GRIP1: variants seen among roughly 807,000 people sequenced by gnomAD.
GRIP1 encodes glutamate receptor-interacting protein 1.
In GRIP1, 45 loss-of-function variants were observed where a neutral mutation model predicts 129.9. That is an observed-to-expected ratio of 0.35 (90% CI 0.27 to 0.44). GRIP1 has a LOEUF of 0.44. GRIP1 is among the 20% of genes least tolerant of loss of function. The pLI is 1.00. For synonymous variants in GRIP1, 530 were observed against 520.8 expected, an observed-to-expected ratio of 1.02 and a Z score of -0.24; for missense variants, 1,196 against 1,396.8, an observed-to-expected ratio of 0.86 and a Z score of 2.29.
chr12:66,405,393 G>A (rs753323432), intron 16 of GRIP1, among the ~76,000 whole-genome samples: 10 of 152,110 alleles, frequency 6.6e-5, no homozygotes, highest in Non-Finnish European at 8.8e-5. Flanking sequence ...TTTGGTGAAT[G>A]GACACTTTTC....
chr12:66,596,807 A>G, intron 2 of GRIP1, 40 bp downstream of exon 2: 1 of 1,195,326 alleles, frequency 8.4e-7, no homozygotes, highest in Non-Finnish European at 1.3e-6. Flanking sequence ...AACAGGATTC[A>G]AAAGTAAAAC....
At chr12:66,499,108 A>G (rs2060317916) in intron 7 of GRIP1, among the ~76,000 whole-genome samples, 1 of 152,198 alleles carries the variant, frequency 6.6e-6, no homozygotes. Flanking sequence ...CATGAAGCCT[A>G]TTATGCTCTG....
chr12:66,386,861 C>CA (rs2056380612), intron 19 of GRIP1, among the ~76,000 whole-genome samples: 1 of 152,128 alleles, frequency 6.6e-6, no homozygotes, highest in Non-Finnish European at 1.5e-5. Context: ...AAGAAATATT[C>CA]AAAGTATTCA....
At chr12:66,726,075 T>C (rs1170092304) in intron 1 of GRIP1, among the ~76,000 whole-genome samples, 1 of 152,154 alleles carries the variant, frequency 6.6e-6, no homozygotes, top group Non-Finnish European at 1.5e-5. Flanking sequence ...TAGAGAGGTG[T>C]GCACATGTGT....
chr12:66,426,146 G>A (rs1196925878), intron 14 of GRIP1, among the ~76,000 whole-genome samples: 1 of 152,064 alleles, frequency 6.6e-6, no homozygotes, highest in Non-Finnish European at 1.5e-5. Flanking sequence ...AAGCTTTTCT[G>A]TGGGTATTTC....
At position 66,471,045 on chromosome 12, in the gene GRIP1, CTA is replaced by C. The variant is rs1000900244; in HGVS notation, c.725-5625_725-5624del. Among the ~76,000 whole-genome samples the C allele has an allele frequency of 3.7e-4, 56 of 152,170 alleles. 1 individual carries two copies. The highest frequency in any genetic ancestry group is 1.3e-3 in the African/African-American group (55 of 41,446). Reference sequence around the variant, plus strand: ...TCTGATCGACTGCCATGATTCCCTACTAGCCAAACTCAACTGGAAGCCAGAAG... The same window carrying C: ...TCTGATCGACTGCCATGATTCCCTACGCCAAACTCAACTGGAAGCCAGAAG... On this transcript the variant is annotated intron_variant, in intron 7 of 24. Coordinates refer to ENST00000359742, the MANE Select transcript of GRIP1 (RefSeq NM_001366722.1).
At chr12:66,707,503 T>TAAAA (rs58564255) in intron 1 of GRIP1, among the ~76,000 whole-genome samples, 14 of 63,946 alleles carry the variant, frequency 2.2e-4, no homozygotes, top group Admixed American at 3.9e-4. Context: ...AATCACTGAC[T>TAAAA]AAAAAAAAAA....
intron 7 of GRIP1, among the ~76,000 whole-genome samples, chr12:66,510,497 C>A (rs1221726321): frequency 6.6e-6 from 1 of 152,138 alleles, no homozygotes; most frequent in Non-Finnish European, 1.5e-5. Context: ...CAACTCATAC[C>A]TCCACTTACA....
chr12:66,908,263 G>A (rs991023934), intron 1 of GRIP1, among the ~76,000 whole-genome samples: 2 of 152,026 alleles, frequency 1.3e-5, no homozygotes, highest in East Asian at 1.9e-4. Context: ...TTGGCAGGAG[G>A]GCAGAAGACC....
intron 1 of GRIP1, among the ~76,000 whole-genome samples, chr12:66,894,159 A>G (rs1283730858): frequency 6.6e-6 from 1 of 152,132 alleles, no homozygotes; most frequent in East Asian, 1.9e-4. Flanking sequence ...GTTTTATTTT[A>G]TCCAGAAAGG....
chr12:66,369,664 G>A (rs895741932), intron 23 of GRIP1, among the ~76,000 whole-genome samples: 1 of 152,096 alleles, frequency 6.6e-6, no homozygotes, highest in Non-Finnish European at 1.5e-5. Context: ...GAAGGAAGGT[G>A]GGTTATCAAG....
intron 1 of GRIP1, among the ~76,000 whole-genome samples, chr12:66,942,885 T>C (rs2041609745): frequency 1.3e-5 from 2 of 152,304 alleles, no homozygotes; most frequent in South Asian, 2.1e-4. Flanking sequence ...TACTTCTCTC[T>C]CCGGTCTCTA....
intron 1 of GRIP1, among the ~76,000 whole-genome samples, chr12:66,750,633 G>A (rs1409438408): frequency 2.6e-5 from 4 of 152,088 alleles, no homozygotes; most frequent in Non-Finnish European, 5.9e-5. Flanking sequence ...GAGGCAACAG[G>A]GTCAATCCAG....
intron 1 of GRIP1, among the ~76,000 whole-genome samples, chr12:66,966,585 TC>T (rs2042001612): frequency 6.6e-6 from 1 of 152,212 alleles, no homozygotes; most frequent in African/African-American, 2.4e-5. Flanking sequence ...CTGTCATGTT[TC>T]CTTACGGTCC....
At chr12:66,731,301 T>C (rs901620464) in intron 1 of GRIP1, among the ~76,000 whole-genome samples, 1 of 152,206 alleles carries the variant, frequency 6.6e-6, no homozygotes, top group Non-Finnish European at 1.5e-5. Flanking sequence ...TAAGCTGGTA[T>C]TATAACACAT....
chr12:66,907,741 T>A (rs1413621643), intron 1 of GRIP1, among the ~76,000 whole-genome samples: 2 of 152,022 alleles, frequency 1.3e-5, no homozygotes, highest in Non-Finnish European at 1.5e-5. Flanking sequence ...GGAAATATGA[T>A]GAGAAACTTC....
chr12:66,824,687 G>T (rs2039377764), intron 1 of GRIP1, among the ~76,000 whole-genome samples: 1 of 152,100 alleles, frequency 6.6e-6, no homozygotes, highest in Non-Finnish European at 1.5e-5. Flanking sequence ...TTATAACCAA[G>T]AAAAGGCCAC....
chr12:66,820,611 T>G (rs1303229188), intron 1 of GRIP1, among the ~76,000 whole-genome samples: 1 of 152,186 alleles, frequency 6.6e-6, no homozygotes, highest in African/African-American at 2.4e-5. Context: ...CCAATATGTC[T>G]TTCAGTAGGT....
chr12:66,461,760 G>A (rs985088727), intron 9 of GRIP1, among the ~76,000 whole-genome samples: 2 of 152,180 alleles, frequency 1.3e-5, no homozygotes, highest in African/African-American at 4.8e-5. Context: ...GTGGAGAAGT[G>A]TAGTGCATTT....
Sources: allele counts gnomAD v4.1 joint callset (sites outside exome capture counted in the v4.1 genomes callset), GRCh38; gene constraint gnomAD v4.1.1; transcripts MANE v1.5; gene names NCBI Gene and HGNC (gene_info 2026-07-23, HGNC 2026-07-21).